MICAL2: variants seen among roughly 807,000 people sequenced by gnomAD.
The protein encoded by MICAL2 is [F-actin]-monooxygenase MICAL2.
Under a neutral mutation model 127.3 loss-of-function variants are expected in MICAL2, and 77 were observed. The ratio of observed to expected loss-of-function variants is 0.60; its 90% CI spans 0.50 to 0.73. The LOEUF is 0.73. Among genes scored for constraint, MICAL2 ranks in the 30% least tolerant of loss-of-function variants. The pLI is 0.00. For synonymous variants in MICAL2, 570 were observed against 551.1 expected, an observed-to-expected ratio of 1.03 and a Z score of -0.48; for missense variants, 1,351 against 1,434.4, an observed-to-expected ratio of 0.94 and a Z score of 0.94.
intron 2 of MICAL2, among the ~76,000 whole-genome samples, chr11:12,151,898 C>A (rs1853616605): frequency 6.6e-6 from 1 of 152,182 alleles, no homozygotes; most frequent in Admixed American, 6.5e-5. Flanking sequence ...CACCTCTCAG[C>A]TTAGCTTTCA....
At chr11:12,264,481 A>G (rs1863523840), downstream of MICAL2, among the ~76,000 whole-genome samples, 1 of 152,176 alleles carries the variant, frequency 6.6e-6, no homozygotes, top group African/African-American at 2.4e-5. Flanking sequence ...TCACTTGGCT[A>G]TCCTGGGCAG....
At chr11:12,181,239 C>T (rs776442562) in intron 3 of MICAL2, among the ~76,000 whole-genome samples, 3 of 152,116 alleles carry the variant, frequency 2.0e-5, no homozygotes, top group Non-Finnish European at 4.4e-5. Flanking sequence ...CCACCGTGCC[C>T]GGCCTATTCT....
intron 12 of MICAL2, 107 bp from the exon 13 acceptor site, chr11:12,224,566 G>A: frequency 1.4e-6 from 2 of 1,478,596 alleles, no homozygotes; most frequent in African/African-American, 2.8e-5. Flanking sequence ...CTTGCCTTGG[G>A]GCCGCTCGTC....
chr11:12,244,680 G>A (rs1419913050), intron 21 of MICAL2, among the ~76,000 whole-genome samples: 1 of 152,178 alleles, frequency 6.6e-6, no homozygotes, highest in Non-Finnish European at 1.5e-5. Context: ...GGTTCCATGG[G>A]GGGATTTTGC....
chr11:12,127,642 G>T (rs942486388), intron 1 of MICAL2, among the ~76,000 whole-genome samples: 1 of 152,210 alleles, frequency 6.6e-6, no homozygotes, highest in Admixed American at 6.5e-5. Flanking sequence ...AGGAGGCAAG[G>T]CCAGATCCTA....
intron 1 of MICAL2, among the ~76,000 whole-genome samples, chr11:12,119,802 T>C (rs1479417445): frequency 2.0e-5 from 3 of 152,120 alleles, no homozygotes; most frequent in Non-Finnish European, 4.4e-5. Flanking sequence ...TCAGGTTGGA[T>C]GGGCCTCATG....
chr11:12,147,218 A>T (rs1033107337), intron 2 of MICAL2, among the ~76,000 whole-genome samples: 2 of 151,998 alleles, frequency 1.3e-5, no homozygotes, highest in African/African-American at 2.4e-5. Flanking sequence ...ATAATAATAA[A>T]AAAAAGAAAG....
rs75932208 is a variant in MICAL2 at position 12,350,402 on chromosome 11, T to C, written c.5615+465T>C. On this transcript the variant is annotated intron_variant, in intron 33 of 34. Transcript: ENST00000646065. ...CTCTCTGAATGCAGTTGCAGCCTCG[T>C]TGGGAGACCAAAAAGTGGAGATGGA... Among the ~76,000 whole-genome samples the C allele has an allele frequency of 1.2e-3, 188 of 152,290 alleles. No individual in the cohort carries two copies. The South Asian group carries it at 0.019, about 15-fold the overall frequency.
At chr11:12,278,160 C>T (rs1863739937) in intron 1 of MICAL2, among the ~76,000 whole-genome samples, 1 of 152,148 alleles carries the variant, frequency 6.6e-6, no homozygotes, top group African/African-American at 2.4e-5. Flanking sequence ...ACACTGTGCA[C>T]TTAGGCTACC....
intron 12 of MICAL2, chr11:12,224,451 G>T (rs7928680): frequency 2.0e-5 from 11 of 561,040 alleles, no homozygotes; most frequent in Non-Finnish European, 3.2e-5. Flanking sequence ...AACTCTGCTG[G>T]AAGAGAACAT....
At chr11:12,160,305 C>T (rs891574858) in intron 2 of MICAL2, among the ~76,000 whole-genome samples, 4 of 152,150 alleles carry the variant, frequency 2.6e-5, no homozygotes, top group Admixed American at 2.6e-4. Flanking sequence ...TCATTGCTGC[C>T]TGGACAGCCC....
At chr11:12,222,384 G>A (rs1170498354) in intron 10 of MICAL2, among the ~76,000 whole-genome samples, 1 of 152,206 alleles carries the variant, frequency 6.6e-6, no homozygotes, top group Non-Finnish European at 1.5e-5. Flanking sequence ...CCCTGCCTGG[G>A]TGGAGGAGCC....
intron 3 of MICAL2, among the ~76,000 whole-genome samples, chr11:12,194,087 C>A (rs1565136546): frequency 1.3e-5 from 2 of 152,222 alleles, no homozygotes; most frequent in Non-Finnish European, 2.9e-5. Context: ...TGGCCCCCGG[C>A]CATGGCACCT....
chr11:12,204,911 A>T (rs558422502), intron 4 of MICAL2, among the ~76,000 whole-genome samples: 44 of 152,272 alleles, frequency 2.9e-4, no homozygotes, highest in African/African-American at 1.0e-3. Context: ...CAAAACCATT[A>T]ATGGGCCAGA....
intron 3 of MICAL2, among the ~76,000 whole-genome samples, chr11:12,203,859 T>C (rs914167076): frequency 6.6e-6 from 1 of 152,106 alleles, no homozygotes; most frequent in Non-Finnish European, 1.5e-5. Flanking sequence ...ATGTACCATA[T>C]GCTTTTTAAA....
chr11:12,333,576 GA>G (rs1199848138), intron 32 of MICAL2, among the ~76,000 whole-genome samples: 3 of 151,884 alleles, frequency 2.0e-5, no homozygotes, highest in Non-Finnish European at 4.4e-5. Flanking sequence ...TGGAAAGAAA[GA>G]AAAAAAATTT....
rs745368660 is a variant in MICAL2 at position 12,204,330 on chromosome 11, G to A, written c.345G>A (p.Val115=). 7.9e-5 allele frequency: 127 copies of A among 1,614,046 alleles called. No individual in the cohort carries two copies. Among genetic ancestry groups the A allele is most frequent in the Non-Finnish European group, 1.0e-4 (121 of 1,180,020 alleles). Residue 115 remains valine (V), a synonymous_variant, in exon 4 of 28, where the codon GTG becomes GTA. Transcript: ENST00000683283. ...ACCTGGGAGCCAAAGTGGTCGTGGT[G>A]GAGAAGAGGGACTCCTTCTCCCGGA... ...LAYLGAKVVV[V]EKRDSFSRNN... is the part of the protein sequence containing the mutation.
intron 1 of MICAL2, among the ~76,000 whole-genome samples, chr11:12,133,218 A>G (rs569659298): frequency 3.9e-4 from 60 of 152,230 alleles, no homozygotes; most frequent in African/African-American, 1.4e-3. Flanking sequence ...AGTAGCTGGG[A>G]TTACAGGCGT....
At chr11:12,134,695 T>G (rs1410555157) in intron 1 of MICAL2, among the ~76,000 whole-genome samples, 1 of 152,174 alleles carries the variant, frequency 6.6e-6, no homozygotes, top group Non-Finnish European at 1.5e-5. Context: ...CAAACTTGAA[T>G]GAGCTTAAGC....
Sources: gnomAD v4.1 joint callset for allele counts (sites outside exome capture counted in the v4.1 genomes callset) on GRCh38, gnomAD v4.1.1 for gene constraint, MANE v1.5 for transcripts, NCBI Gene and HGNC (gene_info 2026-07-23, HGNC 2026-07-21) for gene names.